The following ASTN1 variants were observed in gnomAD, a reference collection of about 807,000 sequenced individuals.
ASTN1 encodes astrotactin 1.
Under a neutral mutation model 140.7 loss-of-function variants are expected in ASTN1, and 41 were observed. The observed-to-expected ratio is 0.29, with a 90% confidence interval of 0.23 to 0.38. The LOEUF is 0.38. Ranked by LOEUF, ASTN1 falls within the 10% of genes least tolerant of loss-of-function variation. ASTN1 has a pLI of 1.00. For missense variants in ASTN1, 1,479 were observed against 1,678.8 expected (o/e 0.88, Z 2.08); for synonymous variants, 640 against 652.2 (o/e 0.98, Z 0.29).
At position 176,991,732 on chromosome 1, in the gene ASTN1, A is replaced by G. The variant is rs368257566; in HGVS notation, c.1523+23059T>C. ...CATTTTAGAAGAATAGGTTTCAGAG[A>G]CTGACTATCTTGGGTTCAAATCTTG... is the stretch of plus-strand genomic sequence containing the variant. On this transcript the variant is annotated intron_variant, in intron 8 of 22. Transcript: ENST00000361833. Among the ~76,000 whole-genome samples, 5 of 152,190 alleles carry G rather than the reference A, an allele frequency of 3.3e-5. No individual in the cohort carries two copies. The East Asian group carries it at 7.7e-4, about 23-fold the overall frequency.
At chr1:177,052,757 C>T (rs922896412) in intron 2 of ASTN1, among the ~76,000 whole-genome samples, 1 of 152,160 alleles carries the variant, frequency 6.6e-6, no homozygotes, top group East Asian at 1.9e-4. Context: ...ATGTTCCTTC[C>T]TAATCTTCAA....
chr1:176,879,340 G>A (rs1036572023), intron 20 of ASTN1, among the ~76,000 whole-genome samples: 1 of 152,126 alleles, frequency 6.6e-6, no homozygotes, highest in African/African-American at 2.4e-5. Flanking sequence ...TGGAACTCAG[G>A]TCAGGGCTGC....
intron 7 of ASTN1, 129 bp downstream of exon 7, chr1:177,023,275 G>T: frequency 8.4e-7 from 1 of 1,193,938 alleles, no homozygotes; most frequent in Non-Finnish European, 1.1e-6. Context: ...CATGCAGGCA[G>T]TCCGCATGGT....
In ASTN1 at chr1:176,861,280, G is replaced by T; in HGVS notation, c.*3004C>A. The T allele has an allele frequency of 1.0e-6, 1 of 985,114 alleles. No homozygotes were observed. The highest frequency in any genetic ancestry group is 1.2e-6 in the Non-Finnish European group (1 of 829,516). The allele number at this position is 985,114 out of a possible 1,614,324, so 61.0% of individuals were successfully genotyped here. On this transcript the variant is annotated 3_prime_UTR_variant, in exon 23 of 23. Transcript: ENST00000361833. ...TGTAGTTAACTAAAAAATAATGAAC[G>T]GACCAAACTCCATGGAAAACGATTG... is the stretch of plus-strand genomic sequence containing the variant.
chr1:176,969,975 T>C (rs1022954883), intron 8 of ASTN1, among the ~76,000 whole-genome samples: 37 of 152,314 alleles, frequency 2.4e-4, no homozygotes, highest in African/African-American at 8.9e-4. Flanking sequence ...AGGAGCCCAT[T>C]GTAACGGATG....
chr1:176,863,753 G>A lies in ASTN1; in HGVS notation c.*531C>T. 1 of 987,158 alleles carries A rather than the reference G, an allele frequency of 1.0e-6. No homozygotes were observed. Among genetic ancestry groups the A allele is most frequent in the Non-Finnish European group, 1.2e-6 (1 of 831,110 alleles). The allele number at this position is 987,158 out of a possible 1,614,324, so 61.1% of individuals were successfully genotyped here. ...AAGAAAACCAGGAGACACAGACAAG[G>A]GCCACCTTCCTCAATTTTCTATTGT... On this transcript the variant is annotated 3_prime_UTR_variant, in exon 23 of 23. Transcript: ENST00000361833.
intron 1 of ASTN1, among the ~76,000 whole-genome samples, chr1:177,140,742 C>G (rs1682428521): frequency 6.6e-6 from 1 of 152,142 alleles, no homozygotes; most frequent in Non-Finnish European, 1.5e-5. Context: ...TACCAGAGTG[C>G]ATGTTAAGGT....
chr1:176,861,685 CGT>C lies in ASTN1; in HGVS notation c.*2597_*2598del, dbSNP rs374272632. ...GAGTTGTGTGCATTGTGTGTGCACA[CGT>C]GTGTGTGTGTGTACATACATACACA... On this transcript the variant is annotated 3_prime_UTR_variant, in exon 23 of 23. Transcript: ENST00000361833. The C allele has an allele frequency of 1.1e-4, 106 of 960,202 alleles. No individual in the cohort carries two copies. Among genetic ancestry groups the C allele is most frequent in the Admixed American group, 1.2e-4 (2 of 16,160 alleles). 59.5% of individuals were successfully genotyped at this position (960,202 alleles called of 1,614,324 possible).
At chr1:177,023,603 A>G (rs747178386) in intron 6 of ASTN1, 32 bp from the exon 7 acceptor site, 1 of 1,546,626 alleles carries the variant, frequency 6.5e-7, no homozygotes, top group Non-Finnish European at 8.7e-7. Context: ...GCATGCCTAT[A>G]TGTGCAACAC....
intron 2 of ASTN1, among the ~76,000 whole-genome samples, chr1:177,056,586 TAC>T (rs576471039): frequency 0.054 from 6,949 of 129,056 alleles, 460 homozygotes; most frequent in African/African-American, 0.16. Context: ...TATATATATA[TAC>T]ACATATCTCC....
intron 1 of ASTN1, among the ~76,000 whole-genome samples, chr1:177,145,506 G>A (rs528056294): frequency 3.9e-5 from 6 of 152,306 alleles, no homozygotes; most frequent in Non-Finnish European, 5.9e-5. Flanking sequence ...CCATATGGCC[G>A]AAGGGAATGG....
chr1:176,966,109 T>C (rs1431620306), intron 8 of ASTN1, among the ~76,000 whole-genome samples: 3 of 152,222 alleles, frequency 2.0e-5, no homozygotes, highest in Non-Finnish European at 2.9e-5. Flanking sequence ...ACTAGGTGGA[T>C]TTAGCCCTTA....
chr1:177,116,102 T>C (rs1681079010), intron 1 of ASTN1, among the ~76,000 whole-genome samples: 1 of 152,144 alleles, frequency 6.6e-6, no homozygotes, highest in South Asian at 2.1e-4. Context: ...AAAATCAAGT[T>C]CTCATCCCAT....
chr1:177,070,463 G>A (rs950773545), intron 1 of ASTN1, among the ~76,000 whole-genome samples: 1 of 152,194 alleles, frequency 6.6e-6, no homozygotes. Context: ...CTGTAAATGA[G>A]TTACAAAAGA....
At chr1:177,051,893 A>G (rs905498186) in intron 2 of ASTN1, among the ~76,000 whole-genome samples, 4 of 152,172 alleles carry the variant, frequency 2.6e-5, no homozygotes, top group Non-Finnish European at 5.9e-5. Flanking sequence ...AATTCCCTAA[A>G]TGACATCACG....
At chr1:176,958,062 G>A (rs1198590435) in intron 10 of ASTN1, among the ~76,000 whole-genome samples, 1 of 152,142 alleles carries the variant, frequency 6.6e-6, no homozygotes, top group African/African-American at 2.4e-5. Context: ...CTAAACTCAG[G>A]CAAGGAAATT....
chr1:176,972,821 C>T (rs1281278047), intron 8 of ASTN1, among the ~76,000 whole-genome samples: 1 of 152,130 alleles, frequency 6.6e-6, no homozygotes, highest in Non-Finnish European at 1.5e-5. Flanking sequence ...AAGAGTAGTT[C>T]GTGTAAGTGC....
At chr1:177,163,594 CAAAG>C (rs1330447491) in intron 1 of ASTN1, among the ~76,000 whole-genome samples, 2 of 152,128 alleles carry the variant, frequency 1.3e-5, no homozygotes, top group Non-Finnish European at 2.9e-5. Context: ...TGTAAACAAA[CAAAG>C]GAAGGAAGAG....
At chr1:176,951,562 C>T (rs182047550) in intron 11 of ASTN1, among the ~76,000 whole-genome samples, 14 of 152,340 alleles carry the variant, frequency 9.2e-5, no homozygotes, top group African/African-American at 2.6e-4. Flanking sequence ...CAGTCACTAG[C>T]CAGTAGTTTC....
Sources: allele counts gnomAD v4.1 joint callset (sites outside exome capture counted in the v4.1 genomes callset), GRCh38; gene constraint gnomAD v4.1.1; transcripts MANE v1.5; gene names NCBI Gene and HGNC (gene_info 2026-07-23, HGNC 2026-07-21).